The following ZNF524 variants were observed in gnomAD, a reference collection of about 807,000 sequenced individuals.
ZNF524 encodes zinc finger protein 524.
For synonymous variants in ZNF524, 194 were observed against 166.3 expected (o/e 1.17, Z -1.28); for missense variants, 388 against 380.1 (o/e 1.02, Z -0.17).
At chr19:55,600,517 C>G (rs1382478933) in intron 1 of ZNF524, 109 bp downstream of exon 1, 1 of 150,594 alleles carries the variant, frequency 6.6e-6, no homozygotes, top group African/African-American at 2.4e-5. Flanking sequence ...CTCCCGCGCT[C>G]GCGCCCCGCG....
chr19:55,602,288 A>G lies in ZNF524; in HGVS notation c.176A>G (p.Lys59Arg). The change falls in exon 2 of 2, where the codon AAG becomes AGG. Residue 59 changes from lysine to arginine, a missense_variant. Physicochemically the swap from Lys to Arg is conservative, Grantham distance 26 (BLOSUM62 2). Transcript: ENST00000301073. ...SLPRKRGRPP[K>R]SGQEPPLVQV... ...CCTCGCAAGCGGGGCCGCCCCCCCA[A>G]GTCAGGGCAGGAGCCCCCACTGGTG... The G allele has an allele frequency of 6.3e-7, 1 of 1,587,110 alleles. No individual in the cohort carries two copies. Among genetic ancestry groups the G allele is most frequent in the South Asian group, 1.1e-5 (1 of 87,776 alleles).
At position 55,602,476 on chromosome 19, in the gene ZNF524, G is replaced by A; in HGVS notation, c.364G>A (p.Ala122Thr). The A allele has an allele frequency of 1.3e-6, 2 of 1,598,390 alleles. No homozygotes were observed. Among genetic ancestry groups the A allele is most frequent in the Non-Finnish European group, 1.7e-6 (2 of 1,177,620 alleles). ...ACACTTCTGCCCGGTGTGCCTGCGG[G>A]CCTTCCCCTACCTCTCCGACCTGGA... ...APHFCPVCLRAFPYLSDLERH... is the reference protein window; with the variant it reads ...APHFCPVCLRTFPYLSDLERH... The change falls in exon 2 of 2, where the codon GCC becomes ACC. Residue 122 changes from alanine (A) to threonine (T), a missense_variant. Ala to Thr is a moderately conservative substitution (Grantham distance 58). Coordinates refer to ENST00000301073, the MANE Select transcript of ZNF524 (RefSeq NM_153219.4).
rs1356161975 is a variant in ZNF524, at chr19:55,602,239, A to G, written c.127A>G (p.Asn43Asp). Residue 43 changes from asparagine (N) to aspartate (D), a missense_variant, in exon 2 of 2, where the codon AAT becomes GAT. Physicochemically the swap from Asn to Asp is conservative, Grantham distance 23. Transcript: ENST00000301073. ...TCGTCCTGGGGGAGCCACCTCCTCAAATCGGACACTCAAGGCCTCCCTCCC... is the reference window on the plus strand; with the variant it reads ...TCGTCCTGGGGGAGCCACCTCCTCAGATCGGACACTCAAGGCCTCCCTCCC... ...GRRPGGATSS[N>D]RTLKASLPRK... 1 of 1,611,956 alleles carries G rather than the reference A, an allele frequency of 6.2e-7. No individual in the cohort carries two copies.
At chr19:55,601,297 C>T (rs1402348961) in intron 1 of ZNF524, 2 of 152,180 alleles carry the variant, frequency 1.3e-5, no homozygotes, top group Non-Finnish European at 2.9e-5. Context: ...CAAAATGGGA[C>T]AGATATGCCC....
At chr19:55,601,628 T>C (rs310461) in intron 1 of ZNF524, 131,740 of 152,424 alleles carry the variant, frequency 0.86, 57,564 homozygotes, top group South Asian at 0.93. Context: ...TTTTCCACTC[T>C]GGAACCCCTT....
Position 55,602,400 on chromosome 19 carries a change from C to T in ZNF524, c.288C>T (p.Val96=). The T allele has an allele frequency of 6.3e-7, 1 of 1,582,994 alleles. No individual in the cohort carries two copies. Among genetic ancestry groups the T allele is most frequent in the Non-Finnish European group, 8.6e-7 (1 of 1,166,110 alleles). ...LIDDQGVPYT[V]SEGSAAGPEG... is the part of the protein sequence containing the mutation. ...ATGATCAGGGTGTGCCCTATACGGT[C>T]TCTGAAGGTTCAGCGGCTGGGCCTG... Residue 96 remains valine (V), a synonymous_variant, in exon 2 of 2, where the codon GTC becomes GTT. Coordinates refer to ENST00000301073, the MANE Select transcript of ZNF524 (RefSeq NM_153219.4).
In ZNF524 at chr19:55,602,248, C is replaced by T; in HGVS notation, c.136C>T (p.Leu46Phe). ...PGGATSSNRTLKASLPRKRGR... is the reference protein window; with the variant it reads ...PGGATSSNRTFKASLPRKRGR... ...GGGAGCCACCTCCTCAAATCGGACA[C>T]TCAAGGCCTCCCTCCCTCGCAAGCG... is the stretch of plus-strand genomic sequence containing the variant. Residue 46 changes from leucine to phenylalanine, a missense_variant, in exon 2 of 2, where the codon CTC (leucine) becomes TTC (phenylalanine). Physicochemically the swap from Leu to Phe is conservative, Grantham distance 22 (BLOSUM62 0). Transcript: ENST00000301073. 1 of 1,610,962 alleles carries T rather than the reference C, an allele frequency of 6.2e-7. No homozygotes were observed. Among genetic ancestry groups the T allele is most frequent in the Non-Finnish European group, 8.5e-7 (1 of 1,178,954 alleles).
intron 1 of ZNF524, 29 bp from the exon 2 acceptor site, chr19:55,602,046 G>A (rs1980706158): frequency 1.4e-6 from 2 of 1,450,530 alleles, no homozygotes; most frequent in Non-Finnish European, 9.3e-7. Context: ...GACCCTGTGA[G>A]CACTGACTCT....
chr19:55,601,936 A>G (rs1980701093), intron 1 of ZNF524, 139 bp from the exon 2 acceptor site: 7 of 516,478 alleles, frequency 1.4e-5, no homozygotes, highest in East Asian at 6.4e-5. Context: ...ACCCACCAGC[A>G]TAGCTAAAAT....
intron 1 of ZNF524, chr19:55,601,435 A>G (rs113093590): frequency 2.0e-5 from 3 of 152,348 alleles, no homozygotes; most frequent in Non-Finnish European, 2.9e-5. Flanking sequence ...ACGTAGAACT[A>G]TGTGTCCCAT....
intron 1 of ZNF524, chr19:55,601,775 G>GTT (rs5828634): frequency 0.015 from 2,635 of 180,662 alleles, 2 homozygotes; most frequent in Middle Eastern, 0.034. Context: ...TCTCTGGAAG[G>GTT]TTTTTTTTTG....
In ZNF524 at chr19:55,600,366, C is replaced by T. The variant is rs1980597675; in HGVS notation, c.-81C>T. ...TCCCACGCGCCGGCCCCGTTGCCCC[C>T]GCGCGCGCGCACACTCGCGAGCCCC... On this transcript the variant is annotated 5_prime_UTR_variant, in exon 1 of 2. Coordinates refer to ENST00000301073, the MANE Select transcript of ZNF524 (RefSeq NM_153219.4). 6.8e-6 allele frequency: 1 copy of T among 147,868 alleles called. No individual in the cohort carries two copies. Among genetic ancestry groups the T allele is most frequent in the Non-Finnish European group, 1.5e-5 (1 of 66,190 alleles). The allele number at this position is 147,868 out of a possible 1,614,324, so 9.2% of individuals were successfully genotyped here.
chr19:55,601,905 A>G, intron 1 of ZNF524, 170 bp from the exon 2 acceptor site: 1 of 438,916 alleles, frequency 2.3e-6, no homozygotes, highest in Non-Finnish European at 4.0e-6. Flanking sequence ...ATCAGCTGAT[A>G]CAAGATCATC....
In ZNF524 at chr19:55,602,586, G is replaced by T; in HGVS notation, c.474G>T (p.Arg158=). The change falls in exon 2 of 2, where the codon CGG becomes CGT. Residue 158 remains arginine (R), a synonymous_variant. Coordinates refer to ENST00000301073, the MANE Select transcript of ZNF524 (RefSeq NM_153219.4). ...GKTFKRSSHL[R]RHCNIHAGLR... is the part of the protein sequence containing the mutation. ...CCTTCAAGCGCTCCAGCCACCTGCGGCGGCACTGCAACATCCATGCCGGCC... is the reference window on the plus strand; with the variant it reads ...CCTTCAAGCGCTCCAGCCACCTGCGTCGGCACTGCAACATCCATGCCGGCC... 1 of 1,584,786 alleles carries T rather than the reference G, an allele frequency of 6.3e-7. No homozygotes were observed. The highest frequency in any genetic ancestry group is 8.5e-7 in the Non-Finnish European group (1 of 1,171,852).
In ZNF524 at chr19:55,602,614, C is replaced by G; in HGVS notation, c.502C>G (p.Arg168Gly). ...RRHCNIHAGL[R>G]PFRCPLCPRR... The stretch of plus-strand genomic sequence containing the variant: ...GCACTGCAACATCCATGCCGGCCTG[C>G]GGCCCTTCCGCTGCCCGCTGTGCCC... The change falls in exon 2 of 2, where the codon CGG (arginine) becomes GGG (glycine). Residue 168 changes from arginine to glycine, a missense_variant. Transcript: ENST00000301073. The G allele has an allele frequency of 1.3e-6, 2 of 1,579,732 alleles. No homozygotes were observed. Among genetic ancestry groups the G allele is most frequent in the South Asian group, 1.1e-5 (1 of 88,630 alleles).
intron 1 of ZNF524, 130 bp downstream of exon 1, chr19:55,600,538 G>T (rs1555777536): frequency 6.7e-6 from 1 of 148,378 alleles, no homozygotes; most frequent in Non-Finnish European, 1.5e-5. Context: ...AAGCCGTCCG[G>T]GCGCGCGCGC....
Position 55,602,674 on chromosome 19 carries a change from C to T in ZNF524, c.562C>T (p.His188Tyr). 6.3e-7 allele frequency: 1 copy of T among 1,597,882 alleles called. No individual in the cohort carries two copies. The part of the protein sequence containing the change: ...RFREAGELAH[H>Y]HRVHSGERPY... ...CCGCGAGGCGGGCGAGCTGGCGCAC[C>T]ACCACCGCGTGCACTCGGGGGAGCG... The change falls in exon 2 of 2, where the codon CAC (histidine) becomes TAC (tyrosine). Residue 188 changes from histidine (H) to tyrosine (Y), a missense_variant. Transcript: ENST00000301073.
chr19:55,602,323 G>A lies in ZNF524; in HGVS notation c.211G>A (p.Gly71Arg). 1 of 1,578,340 alleles carries A rather than the reference G, an allele frequency of 6.3e-7. No homozygotes were observed. The change falls in exon 2 of 2, where the codon GGG becomes AGG. Residue 71 changes from glycine to arginine, a missense_variant. Gly to Arg is a moderately radical substitution (Grantham distance 125). Coordinates refer to ENST00000301073, the MANE Select transcript of ZNF524 (RefSeq NM_153219.4). ...GQEPPLVQVQGVTAPVGSSGG... is the reference protein window; with the variant it reads ...GQEPPLVQVQRVTAPVGSSGG... ...GGAGCCCCCACTGGTGCAGGTGCAG[G>A]GGGTGACAGCCCCAGTAGGCAGCAG...
Position 55,602,577 on chromosome 19 carries a change from C to G in ZNF524, c.465C>G (p.Ser155Arg). 6.3e-7 allele frequency: 1 copy of G among 1,585,852 alleles called. No homozygotes were observed. The highest frequency in any genetic ancestry group is 8.5e-7 in the Non-Finnish European group (1 of 1,172,302). The change falls in exon 2 of 2, where the codon AGC (serine) becomes AGG (arginine). Residue 155 changes from serine (S) to arginine (R), a missense_variant. By Grantham distance (110) the Ser-to-Arg change is moderately radical. Coordinates refer to ENST00000301073, the MANE Select transcript of ZNF524 (RefSeq NM_153219.4). Reference sequence around the variant, plus strand: ...GCGGCAAGACCTTCAAGCGCTCCAGCCACCTGCGGCGGCACTGCAACATCC... The same window carrying G: ...GCGGCAAGACCTTCAAGCGCTCCAGGCACCTGCGGCGGCACTGCAACATCC... ...KVCGKTFKRS[S>R]HLRRHCNIHA... is the part of the protein sequence containing the mutation.
Sources: allele counts gnomAD v4.1 joint callset, GRCh38; gene constraint gnomAD v4.1.1; transcripts MANE v1.5; gene names NCBI Gene and HGNC (gene_info 2026-07-23, HGNC 2026-07-21).